ST6GALNAC5: variants seen among roughly 807,000 people sequenced by gnomAD.
ST6GALNAC5 encodes the protein alpha-N-acetylgalactosaminide alpha-2,6-sialyltransferase 5.
ST6GALNAC5 carries 27 observed loss-of-function variants against 33.6 expected under a neutral mutation model. The observed-to-expected ratio is 0.80, with a 90% confidence interval of 0.59 to 1.11. The LOEUF is 1.11. Among genes scored for constraint, ST6GALNAC5 ranks in the 50% least tolerant of loss-of-function variants. The pLI is 0.00. For synonymous variants in ST6GALNAC5, 194 were observed against 171.2 expected (o/e 1.13, Z -1.04); for missense variants, 428 against 454.0 (o/e 0.94, Z 0.52).
chr1:76,948,505 A>T (rs1647611425), intron 2 of ST6GALNAC5, among the ~76,000 whole-genome samples: 1 of 151,612 alleles, frequency 6.6e-6, no homozygotes, highest in Admixed American at 6.6e-5. Context: ...AAAGTCCCAA[A>T]AGCATGGAAT....
intron 2 of ST6GALNAC5, among the ~76,000 whole-genome samples, chr1:76,997,768 G>A (rs937942374): frequency 2.0e-5 from 3 of 152,156 alleles, no homozygotes; most frequent in Non-Finnish European, 4.4e-5. Flanking sequence ...AGAGGCCAAG[G>A]CCAGAGGATC....
At chr1:76,890,321 T>C (rs1300005759) in intron 2 of ST6GALNAC5, among the ~76,000 whole-genome samples, 1 of 152,166 alleles carries the variant, frequency 6.6e-6, no homozygotes, top group East Asian at 1.9e-4. Context: ...ACAGACAAGT[T>C]TTCTTTTACG....
intron 2 of ST6GALNAC5, among the ~76,000 whole-genome samples, chr1:77,011,552 G>A (rs1306066765): frequency 3.3e-5 from 5 of 152,014 alleles, no homozygotes; most frequent in African/African-American, 9.7e-5. Flanking sequence ...TACTTTACAA[G>A]GTTATACTTT....
intron 2 of ST6GALNAC5, among the ~76,000 whole-genome samples, chr1:76,910,386 T>C (rs757202930): frequency 6.6e-6 from 1 of 152,080 alleles, no homozygotes; most frequent in Non-Finnish European, 1.5e-5. Flanking sequence ...TTTTAATCTT[T>C]GAAAAAAATA....
chr1:76,933,302 G>C (rs75457134), intron 2 of ST6GALNAC5, among the ~76,000 whole-genome samples: 8 of 151,972 alleles, frequency 5.3e-5, no homozygotes, highest in Admixed American at 2.0e-4. Context: ...ATTTAGTATA[G>C]TGATCAAATA....
intron 2 of ST6GALNAC5, among the ~76,000 whole-genome samples, chr1:76,906,106 G>A (rs1023364513): frequency 4.6e-5 from 7 of 152,150 alleles, no homozygotes; most frequent in African/African-American, 1.7e-4. Context: ...TCTTAACTGA[G>A]GAGTAGCAAA....
At position 76,867,652 on chromosome 1, in the gene ST6GALNAC5, T is replaced by C; in HGVS notation, c.-24T>C. On this transcript the variant is annotated 5_prime_UTR_variant, in exon 1 of 5. Transcript: ENST00000477717. ...GGCCCCGGACGCGCGAGCCTGAGGATTCTGCACAAAAGAGGTGCCCAAAAT... is the reference window on the plus strand; with the variant it reads ...GGCCCCGGACGCGCGAGCCTGAGGACTCTGCACAAAAGAGGTGCCCAAAAT... 6.2e-7 allele frequency: 1 copy of C among 1,613,948 alleles called. No homozygotes were observed. Among genetic ancestry groups the C allele is most frequent in the Non-Finnish European group, 8.5e-7 (1 of 1,179,966 alleles).
chr1:76,937,832 A>G (rs1570689402), intron 2 of ST6GALNAC5, among the ~76,000 whole-genome samples: 1 of 152,078 alleles, frequency 6.6e-6, no homozygotes, highest in Non-Finnish European at 1.5e-5. Flanking sequence ...AACTCTCTGT[A>G]TTCCAATTTG....
chr1:77,046,147 G>A (rs1652000279), intron 3 of ST6GALNAC5, among the ~76,000 whole-genome samples: 1 of 152,170 alleles, frequency 6.6e-6, no homozygotes, highest in African/African-American at 2.4e-5. Flanking sequence ...AGACTTAGTG[G>A]TGCATGCCTA....
At position 77,044,575 on chromosome 1, in the gene ST6GALNAC5, G is replaced by A; in HGVS notation, c.633G>A (p.Gln211=). Reference sequence around the variant, plus strand: ...TGATTACTCGCCACAAGATGCTGCAGTTTGATGAGCTCTTCAAGCAGGAGA... The same window carrying A: ...TGATTACTCGCCACAAGATGCTGCAATTTGATGAGCTCTTCAAGCAGGAGA... ...AFMITRHKML[Q]FDELFKQETG... Residue 211 remains glutamine, a synonymous_variant, in exon 3 of 5, where the codon CAG becomes CAA. Transcript: ENST00000477717. 6.3e-7 allele frequency: 1 copy of A among 1,580,928 alleles called. No individual in the cohort carries two copies. The highest frequency in any genetic ancestry group is 8.6e-7 in the Non-Finnish European group (1 of 1,161,360).
intron 2 of ST6GALNAC5, among the ~76,000 whole-genome samples, chr1:76,908,843 A>G (rs941037278): frequency 4.6e-5 from 7 of 152,170 alleles, no homozygotes; most frequent in Admixed American, 3.9e-4. Flanking sequence ...GAATGAATAA[A>G]TAGATTTTTC....
chr1:76,893,139 C>A (rs1022547060), intron 2 of ST6GALNAC5, among the ~76,000 whole-genome samples: 2 of 152,170 alleles, frequency 1.3e-5, no homozygotes, highest in African/African-American at 4.8e-5. Context: ...CTGCCCCCAA[C>A]AACTGTGTAA....
Position 76,868,325 on chromosome 1 carries a change from T to TA in ST6GALNAC5, c.16-171dup, listed in dbSNP as rs1252753894. Among the ~76,000 whole-genome samples the TA allele has an allele frequency of 6.6e-6, 1 of 151,912 alleles. No individual in the cohort carries two copies. Among genetic ancestry groups the TA allele is most frequent in the African/African-American group, 2.4e-5 (1 of 41,392 alleles). On this transcript the variant is annotated intron_variant, in intron 1 of 4. Coordinates refer to ENST00000477717, the MANE Select transcript of ST6GALNAC5 (RefSeq NM_030965.3). This position sits in a 1 kb window ranked among gnomAD's most constrained non-coding sequence, Gnocchi z 4.3. Reference sequence around the variant, plus strand: ...GACGCGCCCGGAGCATCCCTTGCGATACGCTAGGGGACGGTGCTTTCTCTG... The same window carrying TA: ...GACGCGCCCGGAGCATCCCTTGCGATAACGCTAGGGGACGGTGCTTTCTCTG...
rs975642942 is a variant in ST6GALNAC5 at position 77,028,893 on chromosome 1, A to G, written c.262-15311A>G. 4.6e-5 allele frequency among the ~76,000 whole-genome samples: 7 copies of G among 152,216 alleles called. No homozygotes were observed. The South Asian group carries it at 1.4e-3, about 32-fold the overall frequency. The stretch of plus-strand genomic sequence containing the variant: ...ACTCTGCTGAATAAGTAGCTTTTAC[A>G]TAGGACCTGGAATGTTGGGTTGGCT... On this transcript the variant is annotated intron_variant, in intron 2 of 4. Transcript: ENST00000477717.
chr1:77,063,297 GCAGAAAACAGCTTCACTC>G lies in ST6GALNAC5; in HGVS notation c.*93_*110del. 1 of 1,127,342 alleles carries G rather than the reference GCAGAAAACAGCTTCACTC, an allele frequency of 8.9e-7. No individual in the cohort carries two copies. Among genetic ancestry groups the G allele is most frequent in the Non-Finnish European group, 1.3e-6 (1 of 772,152 alleles). The allele number at this position is 1,127,342 out of a possible 1,614,324, so 69.8% of individuals were successfully genotyped here. The stretch of plus-strand genomic sequence containing the variant: ...CTGAGCCACCAGACAGGAAAGGGTA[GCAGAAAACAGCTTCACTC>G]CTCAGGAAGTACCATGGACAGACGC... On this transcript the variant is annotated 3_prime_UTR_variant, in exon 5 of 5. Transcript: ENST00000477717.
chr1:77,060,224 G>C (rs1459159921), intron 4 of ST6GALNAC5: 2 of 152,150 alleles, frequency 1.3e-5, no homozygotes, highest in East Asian at 3.8e-4. Context: ...CTCCATTCCT[G>C]CCTCCCCAGC....
chr1:77,028,096 A>G (rs1449658642), intron 2 of ST6GALNAC5, among the ~76,000 whole-genome samples: 1 of 152,218 alleles, frequency 6.6e-6, no homozygotes, highest in Non-Finnish European at 1.5e-5. Flanking sequence ...TGTGCCTCCC[A>G]CACTGTCAGC....
intron 2 of ST6GALNAC5, among the ~76,000 whole-genome samples, chr1:77,014,112 G>A (rs1362980418): frequency 6.6e-6 from 1 of 152,216 alleles, no homozygotes; most frequent in African/African-American, 2.4e-5. Flanking sequence ...CACCTTCTGA[G>A]ATGGAAGGGG....
At chr1:77,038,419 AC>A (rs2100455945) in intron 2 of ST6GALNAC5, among the ~76,000 whole-genome samples, 1 of 152,330 alleles carries the variant, frequency 6.6e-6, no homozygotes, top group Admixed American at 6.5e-5. Context: ...TTCTTGAAAC[AC>A]CTGAAGCCAT....
Sources: gnomAD v4.1 joint callset for allele counts (sites outside exome capture counted in the v4.1 genomes callset) on GRCh38, gnomAD v4.1.1 for gene constraint, Gnocchi (gnomAD v3.1) non-coding constraint, MANE v1.5 for transcripts, NCBI Gene and HGNC (gene_info 2026-07-23, HGNC 2026-07-21) for gene names.